NRXN1: variants seen among roughly 807,000 people sequenced by gnomAD.
NRXN1 encodes the protein neurexin-1.
NRXN1 carries 39 observed loss-of-function variants against 150.9 expected under a neutral mutation model. That is an observed-to-expected ratio of 0.26 (90% CI 0.20 to 0.34). NRXN1 has a LOEUF of 0.34. Ranked by LOEUF, NRXN1 falls within the 10% of genes least tolerant of loss-of-function variation. The pLI is 1.00. For missense variants in NRXN1, 1,815 were observed against 1,949.9 expected (o/e 0.93, Z 1.30); for synonymous variants, 924 against 757.0 (o/e 1.22, Z -3.62).
chr2:49,955,748 T>A (rs1241445470), intron 21 of NRXN1, among the ~76,000 whole-genome samples: 1 of 152,098 alleles, frequency 6.6e-6, no homozygotes, highest in Non-Finnish European at 1.5e-5. Flanking sequence ...ATGTTTTCCT[T>A]CAAAATCTAA....
At chr2:50,588,409 T>G (rs1673524886) in intron 8 of NRXN1, among the ~76,000 whole-genome samples, 1 of 152,108 alleles carries the variant, frequency 6.6e-6, no homozygotes. Flanking sequence ...TCATATATTT[T>G]AATGGGAAGT....
At chr2:50,407,147 T>C (rs13392422) in intron 17 of NRXN1, among the ~76,000 whole-genome samples, 35,979 of 152,090 alleles carry the variant, frequency 0.24, 4,574 homozygotes, top group East Asian at 0.43. Context: ...ATGGCCTCAA[T>C]ATTCTACTCT....
chr2:50,300,559 T>C (rs913606324), intron 17 of NRXN1, among the ~76,000 whole-genome samples: 2 of 151,980 alleles, frequency 1.3e-5, no homozygotes, highest in Non-Finnish European at 2.9e-5. Flanking sequence ...AAGAAGGAAT[T>C]TTTCAGTCTC....
At chr2:50,742,273 A>ATG (rs1699520308) in intron 5 of NRXN1, among the ~76,000 whole-genome samples, 1 of 151,682 alleles carries the variant, frequency 6.6e-6, no homozygotes, top group Non-Finnish European at 1.5e-5. Flanking sequence ...ATATATATAT[A>ATG]TATACTCTTT....
chr2:50,095,707 CAATAA>C (rs1700119767), intron 18 of NRXN1, among the ~76,000 whole-genome samples: 1 of 150,796 alleles, frequency 6.6e-6, no homozygotes, highest in Admixed American at 6.6e-5. Flanking sequence ...TTTTGCAACA[CAATAA>C]AATAAACAAT....
intron 2 of NRXN1, among the ~76,000 whole-genome samples, chr2:50,960,226 G>T (rs571460351): frequency 6.6e-6 from 1 of 151,896 alleles, no homozygotes; most frequent in African/African-American, 2.4e-5. Context: ...GCCTCCATAA[G>T]GCATTAATTT....
At chr2:50,402,903 G>A (rs1034878066) in intron 17 of NRXN1, among the ~76,000 whole-genome samples, 4 of 152,074 alleles carry the variant, frequency 2.6e-5, no homozygotes, top group African/African-American at 9.7e-5. Context: ...AAAAACATAA[G>A]AAGAGAAGGA....
At chr2:50,598,447 ATAAT>A (rs1675611865) in intron 8 of NRXN1, among the ~76,000 whole-genome samples, 1 of 151,442 alleles carries the variant, frequency 6.6e-6, no homozygotes, top group South Asian at 2.1e-4. Context: ...TAAATCAGAA[ATAAT>A]TACTCTTCAA....
intron 5 of NRXN1, among the ~76,000 whole-genome samples, chr2:50,877,055 G>C (rs1255772906): frequency 6.6e-6 from 1 of 151,658 alleles, no homozygotes; most frequent in East Asian, 1.9e-4. Flanking sequence ...TCATTTTAAT[G>C]TTTTACTGTC....
intron 18 of NRXN1, among the ~76,000 whole-genome samples, chr2:50,172,026 A>T (rs1339919141): frequency 6.6e-6 from 1 of 152,202 alleles, no homozygotes; most frequent in Non-Finnish European, 1.5e-5. Context: ...ATGCAACTAC[A>T]GAAGAGAATT....
chr2:50,467,450 C>T (rs2089010949), intron 16 of NRXN1, among the ~76,000 whole-genome samples: 1 of 151,472 alleles, frequency 6.6e-6, no homozygotes, highest in African/African-American at 2.4e-5. Flanking sequence ...GAGGTGCCTG[C>T]TTTAGTGAAT....
intron 17 of NRXN1, among the ~76,000 whole-genome samples, chr2:50,401,861 G>A (rs536124210): frequency 6.6e-6 from 1 of 152,220 alleles, no homozygotes; most frequent in South Asian, 2.1e-4. Flanking sequence ...ATTCAAAGCT[G>A]GAGATAATCA....
At chr2:50,480,222 AG>A (rs1268988168) in intron 15 of NRXN1, among the ~76,000 whole-genome samples, 1 of 152,226 alleles carries the variant, frequency 6.6e-6, no homozygotes, top group Non-Finnish European at 1.5e-5. Flanking sequence ...ATTTATTTGT[AG>A]AAAGAGATAC....
intron 17 of NRXN1, among the ~76,000 whole-genome samples, chr2:50,247,715 AGATATGACAACTTGAT>A (rs1177676709): frequency 3.3e-5 from 5 of 152,120 alleles, no homozygotes; most frequent in Non-Finnish European, 7.4e-5. Flanking sequence ...AAAACTAAGA[AGATATGACAACTTGAT>A]GAAATGCAAG....
chr2:50,978,663 A>C (rs1038827079), intron 2 of NRXN1, among the ~76,000 whole-genome samples: 1 of 152,028 alleles, frequency 6.6e-6, no homozygotes, highest in African/African-American at 2.4e-5. Flanking sequence ...GATTGGATGG[A>C]TGAATAAAGT....
chr2:50,992,375 C>T (rs1175839953), intron 2 of NRXN1, among the ~76,000 whole-genome samples: 5 of 151,916 alleles, frequency 3.3e-5, no homozygotes, highest in East Asian at 1.9e-4. Context: ...AAATATTCTA[C>T]CCTCAAACCT....
chr2:50,836,688 T>C (rs1431473926), intron 5 of NRXN1, among the ~76,000 whole-genome samples: 2 of 152,102 alleles, frequency 1.3e-5, no homozygotes, highest in Non-Finnish European at 2.9e-5. Context: ...TCATTATGCA[T>C]ATATACCACA....
chr2:50,853,558 A>C (rs1674824127), intron 5 of NRXN1, among the ~76,000 whole-genome samples: 1 of 152,128 alleles, frequency 6.6e-6, no homozygotes, highest in South Asian at 2.1e-4. Flanking sequence ...TCTTAGCTTC[A>C]TGCAAGGAAT....
At chr2:50,524,184 G>A (rs1573393155) in intron 12 of NRXN1, among the ~76,000 whole-genome samples, 1 of 151,986 alleles carries the variant, frequency 6.6e-6, no homozygotes, top group Non-Finnish European at 1.5e-5. Flanking sequence ...TATGGATGCA[G>A]AAGTGTCCCT....
Sources: allele counts gnomAD v4.1 joint callset (sites outside exome capture counted in the v4.1 genomes callset), GRCh38; gene constraint gnomAD v4.1.1; transcripts MANE v1.5; gene names NCBI Gene and HGNC (gene_info 2026-07-23, HGNC 2026-07-21).